The following HACD2 variants were observed in gnomAD, a reference collection of about 807,000 sequenced individuals.
The protein encoded by HACD2 is 3-hydroxyacyl-CoA dehydratase 2.
Under a neutral mutation model 31.0 loss-of-function variants are expected in HACD2, and 15 were observed. The ratio of observed to expected loss-of-function variants is 0.48; its 90% CI spans 0.32 to 0.75. HACD2 has a LOEUF of 0.75. HACD2 is among the 30% of genes least tolerant of loss of function. HACD2 has a pLI of 0.03. For synonymous variants in HACD2, 115 were observed against 122.2 expected (o/e 0.94, Z 0.39); for missense variants, 283 against 313.0 (o/e 0.90, Z 0.72).
intron 4 of HACD2, among the ~76,000 whole-genome samples, chr3:123,518,922 G>C (rs568534834): frequency 1.2e-4 from 18 of 150,448 alleles, no homozygotes; most frequent in Admixed American, 8.0e-4. Flanking sequence ...GCTTGAACCA[G>C]GGAGGTGGAG....
intron 3 of HACD2, among the ~76,000 whole-genome samples, chr3:123,561,343 G>A (rs1553762225): frequency 6.6e-6 from 1 of 152,018 alleles, no homozygotes; most frequent in Non-Finnish European, 1.5e-5. Context: ...GTGCAAGCTG[G>A]CACACACAGC....
intron 4 of HACD2, among the ~76,000 whole-genome samples, chr3:123,522,734 A>T (rs1465066720): frequency 6.6e-6 from 1 of 151,812 alleles, no homozygotes; most frequent in African/African-American, 2.4e-5. Context: ...CTACAAGAAT[A>T]TTTAAAATAG....
chr3:123,494,646 T>G lies in HACD2; in HGVS notation c.*242A>C. ...TCCCTTTCTAGTGCCATCATAAATATTAAGAACTTCTGGTTGAAAGAGCAT... is the reference window on the plus strand; with the variant it reads ...TCCCTTTCTAGTGCCATCATAAATAGTAAGAACTTCTGGTTGAAAGAGCAT... On this transcript the variant is annotated 3_prime_UTR_variant, in exon 7 of 7. Transcript: ENST00000383657. 1 of 518,790 alleles carries G rather than the reference T, an allele frequency of 1.9e-6. No individual in the cohort carries two copies. Among genetic ancestry groups the G allele is most frequent in the Non-Finnish European group, 3.4e-6 (1 of 295,324 alleles). The allele number at this position is 518,790 out of a possible 1,614,324, so 32.1% of individuals were successfully genotyped here. A position where few individuals can be genotyped will look rare whatever the true frequency, so the allele number is the denominator to read the frequency against.
At chr3:123,510,932 G>GTTTTTTTTTTTGTTTTTTTTTTTTTT (rs1559902782) in intron 4 of HACD2, among the ~76,000 whole-genome samples, 1 of 142,606 alleles carries the variant, frequency 7.0e-6, no homozygotes. Flanking sequence ...CATTTGCTGT[G>GTTTTTTTTTTTGTTTTTTTTTTTTTT]TTTTTTTTTT....
chr3:123,569,074 A>G (rs962806006), intron 2 of HACD2, among the ~76,000 whole-genome samples: 1 of 152,150 alleles, frequency 6.6e-6, no homozygotes, highest in African/African-American at 2.4e-5. Context: ...AAAAACTACT[A>G]TTTCACTCAA....
At chr3:123,583,231 T>A (rs1163042776) in intron 1 of HACD2, among the ~76,000 whole-genome samples, 1 of 152,096 alleles carries the variant, frequency 6.6e-6, no homozygotes, top group Non-Finnish European at 1.5e-5. Context: ...GCTCTCACAA[T>A]CCCAATTTAT....
At chr3:123,513,412 G>A (rs1489872496) in intron 4 of HACD2, among the ~76,000 whole-genome samples, 1 of 152,210 alleles carries the variant, frequency 6.6e-6, no homozygotes, top group Non-Finnish European at 1.5e-5. Flanking sequence ...CCTGGCAGAT[G>A]CTAACAGGAG....
intron 3 of HACD2, 25 bp downstream of exon 3, chr3:123,567,737 A>G (rs2056807520): frequency 2.1e-6 from 3 of 1,416,456 alleles, no homozygotes; most frequent in African/African-American, 1.5e-5. Context: ...CACTGTACAT[A>G]GTAGGGGGGA....
chr3:123,544,111 C>T (rs1034479421), intron 3 of HACD2, among the ~76,000 whole-genome samples: 23 of 152,212 alleles, frequency 1.5e-4, no homozygotes, highest in African/African-American at 5.3e-4. Flanking sequence ...TGTACTAATA[C>T]GGGGGTGGTG....
At chr3:123,531,671 G>A (rs1343241590) in intron 3 of HACD2, among the ~76,000 whole-genome samples, 1 of 152,100 alleles carries the variant, frequency 6.6e-6, no homozygotes, top group Non-Finnish European at 1.5e-5. Flanking sequence ...TTTATTTAGT[G>A]TATTTCTCAC....
chr3:123,501,279 A>G (rs911329521), intron 5 of HACD2, among the ~76,000 whole-genome samples: 1 of 152,232 alleles, frequency 6.6e-6, no homozygotes, highest in East Asian at 1.9e-4. Context: ...TCCAATCAAA[A>G]CACCCCACAA....
At chr3:123,506,596 A>AT (rs976734141) in intron 4 of HACD2, among the ~76,000 whole-genome samples, 1 of 151,278 alleles carries the variant, frequency 6.6e-6, no homozygotes, top group Non-Finnish European at 1.5e-5. Flanking sequence ...CACCCAGCTA[A>AT]TTTTTTTTTC....
chr3:123,555,284 G>C (rs543912841), intron 3 of HACD2, among the ~76,000 whole-genome samples: 1 of 152,064 alleles, frequency 6.6e-6, no homozygotes, highest in East Asian at 1.9e-4. Flanking sequence ...TGAAAAGCAA[G>C]AAATAAAACT....
At chr3:123,542,115 C>CCAGCCTGG (rs1397488861) in intron 3 of HACD2, among the ~76,000 whole-genome samples, 28 of 125,300 alleles carry the variant, frequency 2.2e-4, no homozygotes, top group Non-Finnish European at 1.7e-4. Context: ...CCACTGCACT[C>CCAGCCTGG]CAGCCTGGGC....
At chr3:123,526,105 T>C (rs2056280218) in intron 4 of HACD2, among the ~76,000 whole-genome samples, 2 of 151,588 alleles carry the variant, frequency 1.3e-5, no homozygotes, top group Admixed American at 1.3e-4. Context: ...TAGCAAGCAC[T>C]GGCCTCTGAG....
chr3:123,584,196 A>C (rs1576253358), intron 1 of HACD2, among the ~76,000 whole-genome samples: 1 of 152,240 alleles, frequency 6.6e-6, no homozygotes, highest in Middle Eastern at 3.4e-3. Context: ...TGAACTAAAA[A>C]CCCGCCGGGA....
intron 6 of HACD2, among the ~76,000 whole-genome samples, chr3:123,497,372 G>T (rs925252065): frequency 6.6e-6 from 1 of 152,312 alleles, no homozygotes; most frequent in East Asian, 1.9e-4. Context: ...GGGGACGAGG[G>T]GGGTGTGGGT....
intron 4 of HACD2, 142 bp from the exon 5 acceptor site, chr3:123,502,823 T>A: frequency 1.3e-6 from 1 of 795,142 alleles, no homozygotes; most frequent in South Asian, 1.8e-5. Context: ...AGAAAGAGCT[T>A]GCGTGTAGAG....
intron 4 of HACD2, among the ~76,000 whole-genome samples, chr3:123,523,482 G>T (rs910680077): frequency 6.6e-6 from 1 of 152,140 alleles, no homozygotes; most frequent in African/African-American, 2.4e-5. Context: ...GCAGATATTA[G>T]TATTATTATT....
Sources: allele counts gnomAD v4.1 joint callset (sites outside exome capture counted in the v4.1 genomes callset), GRCh38; gene constraint gnomAD v4.1.1; transcripts MANE v1.5; gene names NCBI Gene and HGNC (gene_info 2026-07-23, HGNC 2026-07-21).